Variants in PDCL2 observed in about 807,000 individuals in gnomAD.
PDCL2 encodes the protein phosducin like 2, also known as phosducin-like protein 2.
A neutral mutation model predicts 30.3 loss-of-function variants in PDCL2; 23 were observed. That is an observed-to-expected ratio of 0.76 (90% CI 0.55 to 1.08). The LOEUF is 1.08. Among genes scored for constraint, PDCL2 ranks in the 50% least tolerant of loss-of-function variants. The pLI, the probability that PDCL2 is intolerant of heterozygous loss-of-function variation, is 0.00. For missense variants in PDCL2, 243 were observed against 282.3 expected, an observed-to-expected ratio of 0.86 and a Z score of 1.00; for synonymous variants, 68 against 86.2, an observed-to-expected ratio of 0.79 and a Z score of 1.17.
chr4:55,568,216 T>C (rs981789044), intron 4 of PDCL2, among the ~76,000 whole-genome samples: 3 of 152,152 alleles, frequency 2.0e-5, no homozygotes, highest in African/African-American at 7.2e-5. Flanking sequence ...CCTAGAATGG[T>C]TTATAGCCCT....
intron 4 of PDCL2, among the ~76,000 whole-genome samples, chr4:55,564,348 C>T (rs1298858793): frequency 2.0e-5 from 3 of 151,910 alleles, no homozygotes; most frequent in Admixed American, 6.6e-5. Flanking sequence ...AAGGGTTGCC[C>T]GAAGACAGTT....
At chr4:55,569,684 G>A (rs1444105332) in intron 4 of PDCL2, 34 bp downstream of exon 4, 6 of 1,435,174 alleles carry the variant, frequency 4.2e-6, no homozygotes, top group Non-Finnish European at 5.6e-6. Flanking sequence ...TAAAATAGTA[G>A]TATATTAACA....
chr4:55,590,497 TCCC>T (rs992715509), intron 1 of PDCL2, among the ~76,000 whole-genome samples: 1 of 148,684 alleles, frequency 6.7e-6, no homozygotes, highest in Non-Finnish European at 1.5e-5. Context: ...ATGAATTTTT[TCCC>T]CCCCGAGATG....
Position 55,592,099 on chromosome 4 carries a change from C to T in PDCL2, c.6+5G>A. On this transcript the variant is annotated splice_donor_5th_base_variant and intron_variant, in intron 1 of 5. Transcript: ENST00000295645. ...CAGGGTGGCTCGGCAGGTCCCGACC[C>T]TCACCTGCATGATGCGCTGCTCTGC... is the stretch of plus-strand genomic sequence containing the variant. The T allele has an allele frequency of 1.2e-6, 2 of 1,609,020 alleles. No individual in the cohort carries two copies. The highest frequency in any genetic ancestry group is 1.7e-6 in the Non-Finnish European group (2 of 1,178,364).
At chr4:55,566,129 ATCACCATGCCCG>A (rs796172329) in intron 4 of PDCL2, among the ~76,000 whole-genome samples, 2 of 151,756 alleles carry the variant, frequency 1.3e-5, no homozygotes, top group Admixed American at 6.6e-5. Context: ...ATAGGGACAC[ATCACCATGCCCG>A]GCTAATTTTT....
chr4:55,566,670 C>T (rs970721078), intron 4 of PDCL2, among the ~76,000 whole-genome samples: 2 of 151,856 alleles, frequency 1.3e-5, no homozygotes, highest in East Asian at 1.9e-4. Flanking sequence ...TCAAGTGATC[C>T]GCCTGCCTCG....
chr4:55,571,771 A>G, intron 3 of PDCL2, among the ~76,000 whole-genome samples: 1 of 151,060 alleles, frequency 6.6e-6, no homozygotes, highest in African/African-American at 2.4e-5. Flanking sequence ...CAGTAATCCA[A>G]GCAAAATCAA....
intron 3 of PDCL2, among the ~76,000 whole-genome samples, chr4:55,571,519 C>T (rs71599693): frequency 7.0e-6 from 1 of 143,576 alleles, no homozygotes; most frequent in Non-Finnish European, 1.5e-5. Flanking sequence ...AACCCCGTCT[C>T]TACTAAAAAT....
chr4:55,585,286 A>G (rs1168315430), intron 1 of PDCL2, among the ~76,000 whole-genome samples: 2 of 152,150 alleles, frequency 1.3e-5, no homozygotes, highest in Non-Finnish European at 2.9e-5. Flanking sequence ...CCAGGACTTT[A>G]GCAGGCCGAG....
intron 5 of PDCL2, among the ~76,000 whole-genome samples, chr4:55,559,852 T>A (rs1048544265): frequency 1.1e-4 from 17 of 152,210 alleles, no homozygotes; most frequent in African/African-American, 2.9e-4. Context: ...GAGGACATTA[T>A]GCTAAGTGGA....
chr4:55,567,290 T>TG (rs1732292118), intron 4 of PDCL2, among the ~76,000 whole-genome samples: 1 of 152,132 alleles, frequency 6.6e-6, no homozygotes, highest in Non-Finnish European at 1.5e-5. Flanking sequence ...CTCAATACTC[T>TG]GGGAGGCTGA....
At chr4:55,588,122 C>A (rs1435507288) in intron 1 of PDCL2, among the ~76,000 whole-genome samples, 1 of 152,124 alleles carries the variant, frequency 6.6e-6, no homozygotes, top group Non-Finnish European at 1.5e-5. Flanking sequence ...AATCACTAAG[C>A]CAAGGGAAAA....
At chr4:55,569,992 C>G (rs184562604) in intron 3 of PDCL2, 131 bp from the exon 4 acceptor site, 1 of 608,594 alleles carries the variant, frequency 1.6e-6, no homozygotes, top group Non-Finnish European at 2.6e-6. Flanking sequence ...GATGGGATAA[C>G]CATGAATGAT....
intron 3 of PDCL2, among the ~76,000 whole-genome samples, chr4:55,570,909 T>A (rs1043344943): frequency 1.3e-5 from 2 of 152,260 alleles, no homozygotes; most frequent in Admixed American, 1.3e-4. Context: ...TTATGTATTC[T>A]TGATGCTCTG....
At chr4:55,576,638 A>T (rs1179805217) in intron 3 of PDCL2, among the ~76,000 whole-genome samples, 1 of 152,190 alleles carries the variant, frequency 6.6e-6, no homozygotes, top group African/African-American at 2.4e-5. Context: ...AAACTAAAAG[A>T]TACACAGAAA....
At chr4:55,569,925 T>C in intron 3 of PDCL2, 64 bp from the exon 4 acceptor site, 6 of 1,213,320 alleles carry the variant, frequency 4.9e-6, no homozygotes, top group Non-Finnish European at 6.7e-6. Flanking sequence ...CATTCTCATA[T>C]GTAATAACAA....
chr4:55,585,244 A>C (rs1732829835), intron 1 of PDCL2, among the ~76,000 whole-genome samples: 1 of 152,006 alleles, frequency 6.6e-6, no homozygotes, highest in Non-Finnish European at 1.5e-5. Flanking sequence ...AAAAAGATTT[A>C]GGGCTGGGTG....
At chr4:55,558,927 C>A (rs1172640217) in intron 5 of PDCL2, among the ~76,000 whole-genome samples, 1 of 152,140 alleles carries the variant, frequency 6.6e-6, no homozygotes. Context: ...TATGCACACA[C>A]ACGCACTCTT....
intron 1 of PDCL2, among the ~76,000 whole-genome samples, chr4:55,585,053 T>C (rs910231461): frequency 6.6e-6 from 1 of 152,228 alleles, no homozygotes; most frequent in East Asian, 1.9e-4. Context: ...CATCCTTGCA[T>C]CCACAAGATA....
Sources: gnomAD v4.1 joint callset for allele counts (sites outside exome capture counted in the v4.1 genomes callset) on GRCh38, gnomAD v4.1.1 for gene constraint, MANE v1.5 for transcripts, NCBI Gene and HGNC (gene_info 2026-07-23, HGNC 2026-07-21) for gene names.